The following CASK variants were observed in gnomAD, a reference collection of about 807,000 sequenced individuals.
The protein encoded by CASK is peripheral plasma membrane protein CASK.
A neutral mutation model predicts 82.9 loss-of-function variants in CASK; 4 were observed. The ratio of observed to expected loss-of-function variants is 0.05; its 90% CI spans 0.02 to 0.11. CASK has a LOEUF of 0.11. CASK is among the 10% of genes least tolerant of loss of function. The pLI, the probability that CASK is intolerant of heterozygous loss-of-function variation, is 1.00. For synonymous variants in CASK, 259 were observed against 253.5 expected (o/e 1.02, Z -0.20); for missense variants, 358 against 720.9 (o/e 0.50, Z 5.76).
chrX:41,796,537 A>G lies in CASK; in HGVS notation c.173-9254T>C, dbSNP rs146264758. On this transcript the variant is annotated intron_variant, in intron 2 of 26. Transcript: ENST00000378163. ...CATCTACAGTTTTTTGGGAAATCAC[A>G]TATTTCGTAAAAAACCTCAAGATGA... Among the ~76,000 whole-genome samples the G allele has an allele frequency of 9.7e-3, 1,088 of 112,187 alleles. 9 individuals are homozygous for G. The highest frequency in any genetic ancestry group is 0.033 in the African/African-American group (1,032 of 30,899).
At chrX:41,702,910 C>T (rs2067827444) in intron 5 of CASK, among the ~76,000 whole-genome samples, 1 of 112,420 alleles carries the variant, frequency 8.9e-6, no homozygotes, top group Admixed American at 9.4e-5. Flanking sequence ...AGAACAAACT[C>T]ATACAGGTTG....
At chrX:41,769,198 C>CT (rs759796998) in intron 3 of CASK, among the ~76,000 whole-genome samples, 1,755 of 91,415 alleles carry the variant, frequency 0.019, 29 homozygotes, top group Non-Finnish European at 0.028. Flanking sequence ...TTTTCTTTTT[C>CT]TTTTTTTTTT....
At chrX:41,662,333 C>T (rs1487604925) in intron 7 of CASK, among the ~76,000 whole-genome samples, 1 of 110,881 alleles carries the variant, frequency 9.0e-6, no homozygotes, top group Non-Finnish European at 1.9e-5. Flanking sequence ...AGCATATACT[C>T]CAGTGAAACA....
rs2064857321 is a variant in CASK, at chrX:41,535,096, A to G, written c.2156-123T>C. 8.3e-6 allele frequency: 4 copies of G among 484,237 alleles called. No homozygotes were observed. The Admixed American group carries it at 1.4e-4, about 17-fold the overall frequency. The allele number at this position is 484,237 out of a possible 1,213,427, so 39.9% of individuals were successfully genotyped here. Reference sequence around the variant, plus strand: ...ACCATGTCTTAAAAATATGAATCCAACTTATGATATATGGCTTACATGTAA... The same window carrying G: ...ACCATGTCTTAAAAATATGAATCCAGCTTATGATATATGGCTTACATGTAA... On this transcript the variant is annotated intron_variant, in intron 22 of 26. Transcript: ENST00000378163.
At chrX:41,540,722 C>T (rs978009216) in intron 22 of CASK, among the ~76,000 whole-genome samples, 1 of 112,096 alleles carries the variant, frequency 8.9e-6, no homozygotes, top group Non-Finnish European at 1.9e-5. Flanking sequence ...TCAGTGATAC[C>T]CTGGTGGTGA....
At chrX:41,759,560 G>A (rs2068960758) in intron 3 of CASK, among the ~76,000 whole-genome samples, 1 of 110,960 alleles carries the variant, frequency 9.0e-6, no homozygotes, top group Non-Finnish European at 1.9e-5. Context: ...TTAAAATGAG[G>A]GATTCTCCAA....
intron 9 of CASK, among the ~76,000 whole-genome samples, chrX:41,632,504 G>A (rs769367646): frequency 1.4e-4 from 16 of 112,006 alleles, no homozygotes; most frequent in Non-Finnish European, 2.6e-4. Flanking sequence ...GTAGCCATCA[G>A]TCACACGTGG....
chrX:41,816,652 A>G (rs905762778), intron 2 of CASK, among the ~76,000 whole-genome samples: 1 of 110,972 alleles, frequency 9.0e-6, no homozygotes, highest in African/African-American at 3.3e-5. Flanking sequence ...CACATGAACT[A>G]ATAATGTTAA....
intron 3 of CASK, among the ~76,000 whole-genome samples, chrX:41,782,429 AT>A (rs1188166955): frequency 8.9e-6 from 1 of 112,463 alleles, no homozygotes; most frequent in Non-Finnish European, 1.9e-5. Flanking sequence ...CCAACCATGA[AT>A]TATTTCCATC....
intron 1 of CASK, among the ~76,000 whole-genome samples, chrX:41,896,110 AT>A (rs777652442): frequency 1.3e-4 from 14 of 111,714 alleles, no homozygotes; most frequent in Non-Finnish European, 2.1e-4. Context: ...GCAGCCAATG[AT>A]TAAGGATCCA....
intron 24 of CASK, among the ~76,000 whole-genome samples, chrX:41,532,101 A>AT (rs1212018967): frequency 9.0e-6 from 1 of 110,563 alleles, no homozygotes; most frequent in Non-Finnish European, 1.9e-5. Flanking sequence ...ATGCCCAGCT[A>AT]TTTTTTGTAT....
intron 16 of CASK, among the ~76,000 whole-genome samples, chrX:41,565,818 T>C (rs1270106328): frequency 8.9e-6 from 1 of 111,747 alleles, no homozygotes; most frequent in South Asian, 3.8e-4. Context: ...CTGATGAACA[T>C]TGATACGAAA....
chrX:41,862,244 G>T (rs1314333128), intron 1 of CASK, among the ~76,000 whole-genome samples: 1 of 110,324 alleles, frequency 9.1e-6, no homozygotes, highest in East Asian at 2.8e-4. Flanking sequence ...CACAGGGCAT[G>T]GTGTTTTGGG....
chrX:41,609,553 CTT>C (rs564178433), intron 12 of CASK, among the ~76,000 whole-genome samples: 18 of 97,412 alleles, frequency 1.8e-4, no homozygotes, highest in Non-Finnish European at 1.5e-4. Context: ...TATTCAATTT[CTT>C]TTTTTTTTTT....
chrX:41,534,482 G>T (rs1343886699), intron 24 of CASK, among the ~76,000 whole-genome samples: 1 of 109,677 alleles, frequency 9.1e-6, no homozygotes, highest in African/African-American at 3.3e-5. Flanking sequence ...GTATACAACA[G>T]AGAAGCCTAG....
chrX:41,848,430 ACAACCTAGTACCTC>A (rs1427144694), intron 2 of CASK, among the ~76,000 whole-genome samples: 1 of 111,507 alleles, frequency 9.0e-6, no homozygotes, highest in Non-Finnish European at 1.9e-5. Context: ...GTTGTTAAAA[ACAACCTAGTACCTC>A]CCATCTCTCT....
chrX:41,698,472 T>C lies in CASK; in HGVS notation c.430-26942A>G, dbSNP rs186400841. Among the ~76,000 whole-genome samples, 3 of 111,812 alleles carry C rather than the reference T, an allele frequency of 2.7e-5. No homozygotes were observed. In the Admixed American group the frequency reaches 2.9e-4, roughly 11 times the overall value. On this transcript the variant is annotated intron_variant, in intron 5 of 26. Coordinates refer to ENST00000378163, the MANE Select transcript of CASK (RefSeq NM_001367721.1). Reference sequence around the variant, plus strand: ...ATGTTTCTTGGCTATAGGAGATCAATACACATTTATTGAATAATTAAGAAG... The same window carrying C: ...ATGTTTCTTGGCTATAGGAGATCAACACACATTTATTGAATAATTAAGAAG...
chrX:41,660,488 G>A lies in CASK; in HGVS notation c.782C>T (p.Pro261Leu). 8.3e-7 allele frequency: 1 copy of A among 1,210,335 alleles called. No individual in the cohort carries two copies. The highest frequency in any genetic ancestry group is 1.1e-6 in the Non-Finnish European group (1 of 894,040). The change falls in exon 8 of 27, where the codon CCA becomes CTA. Residue 261 changes from proline to leucine, a missense_variant. Physicochemically the swap from Pro to Leu is moderately conservative, Grantham distance 98 (BLOSUM62 -3). Coordinates refer to ENST00000378163, the MANE Select transcript of CASK (RefSeq NM_001367721.1). ...TTCATAAACAGTGATCCTTTCAGCT[G>A]GATCCAGCATCAGCATGCGACGTAC... ...DLVRRMLMLD[P>L]AERITVYEAL...
chrX:41,532,240 ACTGT>A (rs1356156401), intron 24 of CASK, among the ~76,000 whole-genome samples: 2 of 112,223 alleles, frequency 1.8e-5, no homozygotes, highest in African/African-American at 6.5e-5. Context: ...CTGGCCACCT[ACTGT>A]CTGTTTTTGT....
Sources: gnomAD v4.1 joint callset for allele counts (sites outside exome capture counted in the v4.1 genomes callset) on GRCh38, gnomAD v4.1.1 for gene constraint, MANE v1.5 for transcripts, NCBI Gene and HGNC (gene_info 2026-07-23, HGNC 2026-07-21) for gene names.